The following ZC3H12B variants were observed in gnomAD, a reference collection of about 807,000 sequenced individuals.
ZC3H12B encodes the protein zinc finger CCCH-type containing 12B.
Under a neutral mutation model 43.9 loss-of-function variants are expected in ZC3H12B, and 7 were observed. The ratio of observed to expected loss-of-function variants is 0.16; its 90% CI spans 0.09 to 0.30. ZC3H12B has a LOEUF of 0.30. ZC3H12B is among the 10% of genes least tolerant of loss of function. The probability of loss-of-function intolerance (pLI) is 1.00; values close to 1 mark genes in which losing one functional copy is unlikely to be tolerated. For missense variants in ZC3H12B, 475 were observed against 670.2 expected, an observed-to-expected ratio of 0.71 and a Z score of 3.22; for synonymous variants, 222 against 241.7, an observed-to-expected ratio of 0.92 and a Z score of 0.76.
the ZC3H12B span, among the ~76,000 whole-genome samples, chrX:65,188,590 T>A: frequency 9.0e-6 from 1 of 110,926 alleles, no homozygotes; most frequent in Admixed American, 9.7e-5. Context: ...CCTTTTCATA[T>A]GCCTGTTTGC....
the ZC3H12B span, among the ~76,000 whole-genome samples, chrX:65,093,965 T>A: frequency 7.2e-5 from 8 of 111,448 alleles, no homozygotes; most frequent in South Asian, 7.6e-4. Flanking sequence ...TGAATTTTAA[T>A]CCCCAATGTT....
the ZC3H12B span, chrX:65,272,274 A>AACAAAACAAAAC: frequency 1.8e-5 from 2 of 108,980 alleles, no homozygotes; most frequent in African/African-American, 6.9e-5. Flanking sequence ...ATTTAGTAAA[A>AACAAAACAAAAC]AAAAAAAAAA....
the ZC3H12B span, among the ~76,000 whole-genome samples, chrX:65,034,888 G>A: frequency 8.9e-6 from 1 of 112,783 alleles, no homozygotes; most frequent in Non-Finnish European, 1.9e-5. Flanking sequence ...AGAGGGAGCC[G>A]CCGCTGCTCT....
At chrX:65,439,354 T>A (rs762413464) in intron 3 of ZC3H12B, among the ~76,000 whole-genome samples, 3 of 111,844 alleles carry the variant, frequency 2.7e-5, no homozygotes, top group Non-Finnish European at 5.6e-5. Context: ...TTTGTTCAGA[T>A]CATCTGAACA....
the ZC3H12B span, among the ~76,000 whole-genome samples, chrX:65,193,563 C>CT: frequency 9.0e-6 from 1 of 110,977 alleles, no homozygotes; most frequent in African/African-American, 3.3e-5. Context: ...TCAATTTTGT[C>CT]TTTTCAGAAA....
the ZC3H12B span, among the ~76,000 whole-genome samples, chrX:65,102,198 A>T: frequency 8.9e-6 from 1 of 111,926 alleles, no homozygotes; most frequent in East Asian, 2.8e-4. Flanking sequence ...TTCAAGCTAA[A>T]AACTCTCCAT....
At chrX:65,463,142 G>A (rs969502034) in intron 3 of ZC3H12B, among the ~76,000 whole-genome samples, 6 of 111,745 alleles carry the variant, frequency 5.4e-5, no homozygotes, top group African/African-American at 9.8e-5. Flanking sequence ...ATGTGGGGAA[G>A]GGTTGAAAAA....
chrX:65,080,894 T>C, the ZC3H12B span, among the ~76,000 whole-genome samples: 2 of 111,266 alleles, frequency 1.8e-5, no homozygotes, highest in African/African-American at 6.5e-5. Context: ...AAATGATGAA[T>C]CAATCATAAA....
the ZC3H12B span, among the ~76,000 whole-genome samples, chrX:65,268,609 C>A: frequency 8.9e-6 from 1 of 112,487 alleles, no homozygotes; most frequent in Non-Finnish European, 1.9e-5. Flanking sequence ...TTAACATATG[C>A]AAATCAATGT....
chrX:65,329,313 T>C, the ZC3H12B span, among the ~76,000 whole-genome samples: 1 of 111,581 alleles, frequency 9.0e-6, no homozygotes, highest in African/African-American at 3.3e-5. Flanking sequence ...TGATGAGCAT[T>C]TTTTCATGTG....
At chrX:65,297,233 A>G in the ZC3H12B span, among the ~76,000 whole-genome samples, 3 of 110,921 alleles carry the variant, frequency 2.7e-5, no homozygotes, top group African/African-American at 9.8e-5. Context: ...TAATATAATC[A>G]TATCTTTAGA....
chrX:65,453,284 G>C (rs1336942154), intron 3 of ZC3H12B, among the ~76,000 whole-genome samples: 1 of 98,062 alleles, frequency 1.0e-5, no homozygotes, highest in Non-Finnish European at 2.0e-5. Context: ...ATATGAAAAA[G>C]ACAGTTGCAC....
At chrX:65,422,759 C>G in intron 3 of ZC3H12B, among the ~76,000 whole-genome samples, 1 of 109,332 alleles carries the variant, frequency 9.1e-6, no homozygotes, top group South Asian at 3.9e-4. Flanking sequence ...TGATCAACTG[C>G]CATTTATGAA....
chrX:65,232,097 C>G, the ZC3H12B span, among the ~76,000 whole-genome samples: 1 of 108,712 alleles, frequency 9.2e-6, no homozygotes, highest in Non-Finnish European at 1.9e-5. Flanking sequence ...AAAAATTAGC[C>G]AAGCATGGTG....
chrX:65,261,760 C>CT, the ZC3H12B span, among the ~76,000 whole-genome samples: 2 of 109,666 alleles, frequency 1.8e-5, no homozygotes, highest in African/African-American at 6.6e-5. Context: ...AGTGAGTCAA[C>CT]TGAAAAAAAA....
the ZC3H12B span, among the ~76,000 whole-genome samples, chrX:65,138,435 C>A: frequency 9.0e-6 from 1 of 111,698 alleles, no homozygotes; most frequent in Non-Finnish European, 1.9e-5. Context: ...AGGCTGAATA[C>A]AATTTTATTG....
chrX:65,181,209 A>AT, the ZC3H12B span, among the ~76,000 whole-genome samples: 1 of 111,908 alleles, frequency 8.9e-6, no homozygotes, highest in African/African-American at 3.2e-5. Flanking sequence ...TATGCAGAAA[A>AT]CTGAAACTGG....
At chrX:65,147,456 T>G in the ZC3H12B span, among the ~76,000 whole-genome samples, 1 of 110,331 alleles carries the variant, frequency 9.1e-6, no homozygotes, top group South Asian at 3.9e-4. Context: ...GCCTGTGTCC[T>G]TAGGAGCCAG....
the ZC3H12B span, among the ~76,000 whole-genome samples, chrX:65,108,305 T>G: frequency 8.9e-6 from 1 of 111,960 alleles, no homozygotes; most frequent in African/African-American, 3.2e-5. Flanking sequence ...AATTTTTTAA[T>G]TTATTTATAG....
Sources: allele counts gnomAD v4.1 joint callset (sites outside exome capture counted in the v4.1 genomes callset), GRCh38; gene constraint gnomAD v4.1.1; transcripts MANE v1.5; gene names NCBI Gene and HGNC (gene_info 2026-07-23, HGNC 2026-07-21).